NXPH1: variants seen among roughly 807,000 people sequenced by gnomAD.
NXPH1 encodes neurexophilin-1.
NXPH1 carries 5 observed loss-of-function variants against 23.7 expected under a neutral mutation model. That is an observed-to-expected ratio of 0.21 (90% CI 0.11 to 0.44). The LOEUF (loss-of-function observed/expected upper bound fraction) is 0.44. NXPH1 is among the 20% of genes least tolerant of loss of function. The pLI is 0.99. For missense variants in NXPH1, 324 were observed against 321.6 expected, an observed-to-expected ratio of 1.01 and a Z score of -0.06; for synonymous variants, 144 against 122.2, an observed-to-expected ratio of 1.18 and a Z score of -1.18.
intron 2 of NXPH1, among the ~76,000 whole-genome samples, chr7:8,731,020 C>A (rs929643792): frequency 6.9e-6 from 1 of 143,934 alleles, no homozygotes; most frequent in Non-Finnish European, 1.5e-5. Context: ...TTCCATATTT[C>A]TTGGAGGCTT....
In NXPH1 at chr7:8,657,629, A is replaced by G. The variant is rs192460035; in HGVS notation, c.55-93379A>G. 3.3e-5 allele frequency among the ~76,000 whole-genome samples: 5 copies of G among 152,350 alleles called. No homozygotes were observed. The East Asian group carries it at 9.6e-4, about 29-fold the overall frequency. Reference sequence around the variant, plus strand: ...GGAGTATAAGATTCAGGTATGATTTATGATGAGAACTCCAGCAGCAGGAGA... The same window carrying G: ...GGAGTATAAGATTCAGGTATGATTTGTGATGAGAACTCCAGCAGCAGGAGA... On this transcript the variant is annotated intron_variant, in intron 2 of 2. Coordinates refer to ENST00000405863, the MANE Select transcript of NXPH1 (RefSeq NM_152745.3).
chr7:8,523,760 T>C (rs952212658), intron 2 of NXPH1, among the ~76,000 whole-genome samples: 6 of 152,180 alleles, frequency 3.9e-5, no homozygotes, highest in Admixed American at 3.3e-4. Context: ...AAATTTCTCT[T>C]TCTGGATCCA....
At chr7:8,744,771 C>T (rs1474416798) in intron 2 of NXPH1, among the ~76,000 whole-genome samples, 1 of 152,184 alleles carries the variant, frequency 6.6e-6, no homozygotes, top group Non-Finnish European at 1.5e-5. Context: ...GCTTTCTCAA[C>T]CTTTTTTATG....
At chr7:8,484,936 G>A (rs1261162189) in intron 2 of NXPH1, among the ~76,000 whole-genome samples, 2 of 152,180 alleles carry the variant, frequency 1.3e-5, no homozygotes, top group Non-Finnish European at 2.9e-5. Flanking sequence ...GTAATTGTGA[G>A]TCTGGAGCAT....
chr7:8,666,647 C>T (rs1047925079), intron 2 of NXPH1, among the ~76,000 whole-genome samples: 1 of 152,018 alleles, frequency 6.6e-6, no homozygotes, highest in African/African-American at 2.4e-5. Flanking sequence ...AGCAGTAAAG[C>T]CATCAAGTCC....
intron 2 of NXPH1, among the ~76,000 whole-genome samples, chr7:8,630,360 T>C (rs1205559815): frequency 6.6e-6 from 1 of 152,156 alleles, no homozygotes; most frequent in Non-Finnish European, 1.5e-5. Context: ...AGATATTTAA[T>C]GATACATTTT....
chr7:8,455,302 T>C (rs1397677717), intron 2 of NXPH1, among the ~76,000 whole-genome samples: 1 of 152,170 alleles, frequency 6.6e-6, no homozygotes, highest in African/African-American at 2.4e-5. Context: ...GTGGCCACTT[T>C]AAACGACTAA....
intron 2 of NXPH1, among the ~76,000 whole-genome samples, chr7:8,593,478 T>G (rs1478895651): frequency 6.6e-6 from 1 of 151,850 alleles, no homozygotes; most frequent in African/African-American, 2.4e-5. Flanking sequence ...AAAAGTTGAT[T>G]TCTCTTCCCT....
chr7:8,534,466 A>T (rs1013146213), intron 2 of NXPH1, among the ~76,000 whole-genome samples: 3 of 152,170 alleles, frequency 2.0e-5, no homozygotes, highest in African/African-American at 7.2e-5. Context: ...AGCCACGCTG[A>T]TGCATTAAGC....
intron 2 of NXPH1, among the ~76,000 whole-genome samples, chr7:8,512,381 CAG>C (rs1319195419): frequency 6.6e-6 from 1 of 152,028 alleles, no homozygotes; most frequent in Non-Finnish European, 1.5e-5. Context: ...AGTGAGAACA[CAG>C]AGGTATATAA....
intron 2 of NXPH1, among the ~76,000 whole-genome samples, chr7:8,518,156 T>C (rs1312080654): frequency 1.3e-5 from 2 of 152,144 alleles, no homozygotes; most frequent in Non-Finnish European, 2.9e-5. Context: ...CATTTGAATA[T>C]ATTACTAAAG....
At chr7:8,606,266 CACCT>C (rs1357259831) in intron 2 of NXPH1, among the ~76,000 whole-genome samples, 1 of 152,074 alleles carries the variant, frequency 6.6e-6, no homozygotes, top group South Asian at 2.1e-4. Context: ...CAATATAAAA[CACCT>C]AAGAATAAAA....
chr7:8,483,965 C>CCTTTTTTTTTTTTTTTT (rs1817116854), intron 2 of NXPH1, among the ~76,000 whole-genome samples: 1 of 132,336 alleles, frequency 7.6e-6, no homozygotes, highest in African/African-American at 3.1e-5. Flanking sequence ...CTCCCCCCAC[C>CCTTTTTTTTTTTTTTTT]TTTTTTTTTT....
At chr7:8,445,420 C>G (rs1336271919) in intron 2 of NXPH1, among the ~76,000 whole-genome samples, 1 of 152,208 alleles carries the variant, frequency 6.6e-6, no homozygotes, top group African/African-American at 2.4e-5. Context: ...TGACTGGAAA[C>G]AGCTGCAGGG....
At chr7:8,604,547 G>C (rs567390268) in intron 2 of NXPH1, among the ~76,000 whole-genome samples, 2 of 152,158 alleles carry the variant, frequency 1.3e-5, no homozygotes, top group African/African-American at 2.4e-5. Context: ...TTATGCAAGA[G>C]GGGCTTTGAA....
intron 2 of NXPH1, among the ~76,000 whole-genome samples, chr7:8,511,691 CT>C (rs1817615085): frequency 6.6e-6 from 1 of 152,120 alleles, no homozygotes; most frequent in East Asian, 1.9e-4. Flanking sequence ...CCATGCGTTA[CT>C]TTTCTGGCAC....
At chr7:8,619,435 G>C (rs1819816751) in intron 2 of NXPH1, among the ~76,000 whole-genome samples, 1 of 152,074 alleles carries the variant, frequency 6.6e-6, no homozygotes, top group African/African-American at 2.4e-5. Context: ...GTCTTATTTT[G>C]TTTATGTTTG....
chr7:8,523,643 G>C (rs1310475120), intron 2 of NXPH1, among the ~76,000 whole-genome samples: 1 of 152,182 alleles, frequency 6.6e-6, no homozygotes, highest in East Asian at 1.9e-4. Context: ...TAAAGCGTTT[G>C]TAAAGTAATT....
chr7:8,740,135 A>G (rs1780335794), intron 2 of NXPH1, among the ~76,000 whole-genome samples: 1 of 152,144 alleles, frequency 6.6e-6, no homozygotes, highest in South Asian at 2.1e-4. Context: ...TGAAAGCCTT[A>G]TTTTCCTTTC....
Sources: gnomAD v4.1 joint callset for allele counts (sites outside exome capture counted in the v4.1 genomes callset) on GRCh38, gnomAD v4.1.1 for gene constraint, MANE v1.5 for transcripts, NCBI Gene and HGNC (gene_info 2026-07-23, HGNC 2026-07-21) for gene names.